KIAA1328: variants seen among roughly 807,000 people sequenced by gnomAD.
KIAA1328 encodes KIAA1328.
Under a neutral mutation model 68.1 loss-of-function variants are expected in KIAA1328, and 52 were observed. The observed-to-expected ratio is 0.76, with a 90% confidence interval of 0.61 to 0.96. The LOEUF (loss-of-function observed/expected upper bound fraction) is 0.96. KIAA1328 is among the 40% of genes least tolerant of loss of function. KIAA1328 has a pLI of 0.00. For missense variants in KIAA1328, 641 were observed against 677.6 expected (o/e 0.95, Z 0.60); for synonymous variants, 232 against 239.4 (o/e 0.97, Z 0.28).
At chr18:37,188,968 T>G (rs892844688) in intron 9 of KIAA1328, among the ~76,000 whole-genome samples, 103 of 152,316 alleles carry the variant, frequency 6.8e-4, no homozygotes, top group African/African-American at 2.4e-3. Context: ...TCACATTCAT[T>G]TCAGATTGAA....
intron 9 of KIAA1328, among the ~76,000 whole-genome samples, chr18:37,187,951 G>A (rs1429120911): frequency 6.6e-6 from 1 of 152,138 alleles, no homozygotes; most frequent in Non-Finnish European, 1.5e-5. Flanking sequence ...ATACTGAATG[G>A]ACTCACCACA....
chr18:37,040,769 T>C (rs1244620037), intron 6 of KIAA1328, among the ~76,000 whole-genome samples: 1 of 151,832 alleles, frequency 6.6e-6, no homozygotes, highest in Non-Finnish European at 1.5e-5. Flanking sequence ...TTTTACTCAG[T>C]GAAAATATTT....
chr18:37,071,056 C>T (rs1158766631), intron 7 of KIAA1328, among the ~76,000 whole-genome samples: 1 of 114,194 alleles, frequency 8.8e-6, no homozygotes, highest in Non-Finnish European at 1.8e-5. Flanking sequence ...TTTTTTTCTT[C>T]CTTTTTTTTT....
At chr18:37,114,800 C>A (rs962246234) in intron 7 of KIAA1328, among the ~76,000 whole-genome samples, 3 of 152,086 alleles carry the variant, frequency 2.0e-5, no homozygotes, top group Admixed American at 1.3e-4. Context: ...GAGAAAGAAT[C>A]AAATAGATGC....
downstream of KIAA1328, among the ~76,000 whole-genome samples, chr18:37,225,789 C>A (rs2060632419): frequency 6.6e-6 from 1 of 152,210 alleles, no homozygotes; most frequent in Non-Finnish European, 1.5e-5. Context: ...TCAACTCAGA[C>A]AGAGACCCTG....
intron 5 of KIAA1328, among the ~76,000 whole-genome samples, chr18:36,900,374 A>T (rs2048998314): frequency 6.6e-6 from 1 of 151,972 alleles, no homozygotes; most frequent in Non-Finnish European, 1.5e-5. Context: ...CTTCAAAGAA[A>T]ACTGCTGAGA....
At chr18:37,032,016 A>G (rs1269096784) in intron 6 of KIAA1328, among the ~76,000 whole-genome samples, 1 of 151,930 alleles carries the variant, frequency 6.6e-6, no homozygotes, top group Admixed American at 6.6e-5. Context: ...AGAAAGAAAC[A>G]AAAAAACTAA....
chr18:37,084,161 G>A, intron 7 of KIAA1328: 2 of 1,519,232 alleles, frequency 1.3e-6, no homozygotes, highest in Non-Finnish European at 1.8e-6. Flanking sequence ...CGAGAGAACT[G>A]GTTGCTGAAA....
intron 5 of KIAA1328, among the ~76,000 whole-genome samples, chr18:36,930,773 T>C (rs2050281751): frequency 6.6e-6 from 1 of 151,998 alleles, no homozygotes; most frequent in Non-Finnish European, 1.5e-5. Flanking sequence ...TGTAATTATT[T>C]TTCTGTCTTT....
intron 7 of KIAA1328, among the ~76,000 whole-genome samples, chr18:37,112,348 C>CATTTGCTGTTCTGCAAT (rs1441582228): frequency 1.7e-4 from 26 of 152,318 alleles, no homozygotes; most frequent in African/African-American, 6.3e-4. Context: ...CAAGCAGCAA[C>CATTTGCTGTTCTGCAAT]ATTTGCTGTT....
chr18:37,222,744 G>A lies in KIAA1328; in HGVS notation c.*517G>A. 1.0e-6 allele frequency: 1 copy of A among 993,604 alleles called. No homozygotes were observed. Among genetic ancestry groups the A allele is most frequent in the Non-Finnish European group, 1.2e-6 (1 of 835,376 alleles). The allele number at this position is 993,604 out of a possible 1,614,324, so 61.5% of individuals were successfully genotyped here. A position where few individuals can be genotyped will look rare whatever the true frequency, so the allele number is the denominator to read the frequency against. Reference sequence around the variant, plus strand: ...GTCCTTTAATTCTGAAGTTGGAGTTGGTGCCCCTGCCATCACAAACAACAC... The same window carrying A: ...GTCCTTTAATTCTGAAGTTGGAGTTAGTGCCCCTGCCATCACAAACAACAC... On this transcript the variant is annotated 3_prime_UTR_variant, in exon 10 of 10. Coordinates refer to ENST00000280020, the MANE Select transcript of KIAA1328 (RefSeq NM_020776.3).
Position 36,881,752 on chromosome 18 carries a change from CA to C in KIAA1328, c.333-3803del. Among the ~76,000 whole-genome samples, 2 of 152,248 alleles carry C rather than the reference CA, an allele frequency of 1.3e-5. 1 individual carries two copies. Among genetic ancestry groups the C allele is most frequent in the South Asian group, 4.1e-4 (2 of 4,820 alleles). On this transcript the variant is annotated intron_variant, in intron 4 of 9. Transcript: ENST00000280020. ...TTTTTAAAACTCAGCATAGTGATTT[CA>C]AGGTTTATTCATATGGTAGGTATCA...
intron 4 of KIAA1328, among the ~76,000 whole-genome samples, chr18:36,878,747 G>A (rs1200359737): frequency 3.3e-5 from 5 of 151,946 alleles, no homozygotes; most frequent in Non-Finnish European, 7.4e-5. Context: ...TTGTCTTCAT[G>A]CTTTATTTCA....
At chr18:37,043,663 C>A (rs1334262736) in intron 6 of KIAA1328, among the ~76,000 whole-genome samples, 1 of 152,206 alleles carries the variant, frequency 6.6e-6, no homozygotes, top group African/African-American at 2.4e-5. Flanking sequence ...TGAGCAATGC[C>A]TTTACTTTCT....
At chr18:36,956,138 C>A (rs2051404384) in intron 5 of KIAA1328, among the ~76,000 whole-genome samples, 1 of 152,146 alleles carries the variant, frequency 6.6e-6, no homozygotes, top group South Asian at 2.1e-4. Flanking sequence ...AGCTTTACTA[C>A]ATGATTATTT....
At chr18:37,114,979 C>G (rs1003630754) in intron 7 of KIAA1328, among the ~76,000 whole-genome samples, 15 of 152,100 alleles carry the variant, frequency 9.9e-5, no homozygotes, top group Admixed American at 2.0e-4. Flanking sequence ...AGTTGAATCC[C>G]TGAATAGACC....
chr18:36,869,733 A>C (rs2047880933), intron 4 of KIAA1328, among the ~76,000 whole-genome samples: 1 of 152,244 alleles, frequency 6.6e-6, no homozygotes, highest in South Asian at 2.1e-4. Flanking sequence ...AGCTAAGGGA[A>C]GGGAGAAGAG....
At chr18:36,999,095 A>G (rs1269420794) in intron 6 of KIAA1328, among the ~76,000 whole-genome samples, 2 of 152,164 alleles carry the variant, frequency 1.3e-5, no homozygotes, top group Admixed American at 6.5e-5. Context: ...GGAACCAAAC[A>G]GAAATTCTGG....
At chr18:37,187,836 C>G (rs1323153868) in intron 9 of KIAA1328, among the ~76,000 whole-genome samples, 2 of 152,098 alleles carry the variant, frequency 1.3e-5, no homozygotes, top group African/African-American at 4.8e-5. Context: ...TTTCCAATGT[C>G]CTGGAAGATG....
Sources: gnomAD v4.1 joint callset for allele counts (sites outside exome capture counted in the v4.1 genomes callset) on GRCh38, gnomAD v4.1.1 for gene constraint, MANE v1.5 for transcripts, NCBI Gene and HGNC (gene_info 2026-07-23, HGNC 2026-07-21) for gene names.